CCDC178: variants seen among roughly 807,000 people sequenced by gnomAD.
CCDC178 encodes the protein coiled-coil domain containing 178, also known as coiled-coil domain-containing protein 178.
CCDC178 carries 126 observed loss-of-function variants against 117.4 expected under a neutral mutation model. The ratio of observed to expected loss-of-function variants is 1.07; its 90% confidence interval spans 0.93 to 1.24. CCDC178 has a LOEUF of 1.24. Among genes scored for constraint, CCDC178 ranks in the 50% most tolerant of loss-of-function variants. The pLI is 0.00. For missense variants in CCDC178, 1,030 were observed against 986.9 expected, an observed-to-expected ratio of 1.04 and a Z score of -0.59; for synonymous variants, 283 against 313.4, an observed-to-expected ratio of 0.90 and a Z score of 1.02.
rs574295414 is a variant in CCDC178, at chr18:33,148,194, G to A, written c.2239-55284C>T. On this transcript the variant is annotated intron_variant, in intron 20 of 22. Coordinates refer to ENST00000383096, the MANE Select transcript of CCDC178 (RefSeq NM_001105528.4). ...CCTGGCACCTCGGGAGGCCGAGGCT[G>A]GCAGATCACTCGCGGTTAGGAGCTG... Among the ~76,000 whole-genome samples the A allele has an allele frequency of 4.3e-4, 66 of 152,372 alleles. 1 individual carries two copies. The South Asian group carries it at 0.014, about 32-fold the overall frequency.
intron 20 of CCDC178, among the ~76,000 whole-genome samples, chr18:33,206,827 T>C (rs2059050106): frequency 6.6e-6 from 1 of 152,210 alleles, no homozygotes; most frequent in African/African-American, 2.4e-5. Flanking sequence ...AAAGGTAATG[T>C]CTTCCTCCAA....
intron 2 of CCDC178, among the ~76,000 whole-genome samples, chr18:33,413,474 T>A (rs2063887801): frequency 6.6e-6 from 1 of 151,486 alleles, no homozygotes; most frequent in South Asian, 2.1e-4. Context: ...ACTGGAAAAA[T>A]TAAATAATAT....
chr18:33,043,093 GAATAT>G (rs2056579075), intron 21 of CCDC178, among the ~76,000 whole-genome samples: 1 of 151,970 alleles, frequency 6.6e-6, no homozygotes, highest in Non-Finnish European at 1.5e-5. Flanking sequence ...AATACTGAAT[GAATAT>G]TGCTATGTTA....
chr18:33,014,145 TTA>T (rs1302030726), intron 21 of CCDC178, among the ~76,000 whole-genome samples: 2 of 152,204 alleles, frequency 1.3e-5, no homozygotes, highest in African/African-American at 4.8e-5. Flanking sequence ...ACCAACAGCC[TTA>T]ATACCACAAT....
intron 21 of CCDC178, among the ~76,000 whole-genome samples, chr18:33,086,892 G>GGGA (rs1380782838): frequency 2.0e-5 from 3 of 151,202 alleles, no homozygotes; most frequent in Non-Finnish European, 2.9e-5. Context: ...CCTTCTAGAT[G>GGGA]CCAGAGGCAA....
chr18:33,123,917 T>C (rs944268390), intron 20 of CCDC178, among the ~76,000 whole-genome samples: 1 of 152,198 alleles, frequency 6.6e-6, no homozygotes, highest in Admixed American at 6.5e-5. Context: ...ATTCAAACTA[T>C]TGGGCATGTA....
chr18:33,380,550 C>T (rs999950274), intron 5 of CCDC178, among the ~76,000 whole-genome samples: 8 of 152,202 alleles, frequency 5.3e-5, no homozygotes, highest in African/African-American at 1.9e-4. Flanking sequence ...ACAAAGTGTG[C>T]TCCTTCAGCC....
intron 7 of CCDC178, among the ~76,000 whole-genome samples, 190 bp downstream of exon 7, chr18:33,356,134 G>C (rs2063053647): frequency 6.6e-6 from 1 of 151,990 alleles, no homozygotes; most frequent in South Asian, 2.1e-4. Context: ...GTGGAGCTCT[G>C]GAGATCTCTA....
intron 22 of CCDC178, among the ~76,000 whole-genome samples, chr18:32,969,467 A>T (rs1454995573): frequency 6.6e-6 from 1 of 151,888 alleles, no homozygotes; most frequent in Non-Finnish European, 1.5e-5. Context: ...CCCTAAACCC[A>T]CTTTCCAACC....
At chr18:33,283,735 T>A (rs960354686) in intron 12 of CCDC178, among the ~76,000 whole-genome samples, 3 of 152,144 alleles carry the variant, frequency 2.0e-5, no homozygotes, top group Admixed American at 1.3e-4. Context: ...GAATGGCTAT[T>A]ACTAAAAAGC....
intron 3 of CCDC178, among the ~76,000 whole-genome samples, chr18:33,409,453 C>T (rs551211812): frequency 4.9e-4 from 75 of 152,180 alleles, no homozygotes; most frequent in African/African-American, 1.8e-3. Flanking sequence ...AACGAAAGAA[C>T]ATCAAAAAAT....
At chr18:32,997,199 T>G (rs1356427536) in intron 21 of CCDC178, among the ~76,000 whole-genome samples, 3 of 152,166 alleles carry the variant, frequency 2.0e-5, no homozygotes, top group Non-Finnish European at 4.4e-5. Flanking sequence ...AAGACAGGTA[T>G]GATAGTTAAT....
intron 20 of CCDC178, among the ~76,000 whole-genome samples, chr18:33,168,106 T>C (rs775127433): frequency 6.6e-5 from 10 of 152,178 alleles, no homozygotes; most frequent in Non-Finnish European, 2.9e-5. Flanking sequence ...CATTTGTCAA[T>C]ATTTGTTTTT....
intron 10 of CCDC178, among the ~76,000 whole-genome samples, chr18:33,327,293 C>A (rs558508537): frequency 1.3e-5 from 2 of 152,012 alleles, no homozygotes; most frequent in East Asian, 3.9e-4. Flanking sequence ...TTTCTTTTTA[C>A]GGCTTAATAA....
At chr18:33,179,114 A>ATATATATATATATATATATATAAACTG (rs1568037089) in intron 20 of CCDC178, among the ~76,000 whole-genome samples, 1 of 88,934 alleles carries the variant, frequency 1.1e-5, no homozygotes, top group Non-Finnish European at 2.0e-5. Context: ...TATATAAACT[A>ATATATATATATATATATATATAAACTG]TATATATATA....
intron 12 of CCDC178, among the ~76,000 whole-genome samples, chr18:33,292,348 A>C (rs1257672480): frequency 2.0e-5 from 3 of 152,192 alleles, no homozygotes; most frequent in Non-Finnish European, 4.4e-5. Context: ...ATATGTTCTC[A>C]TTCATACATG....
At chr18:33,265,524 G>C (rs2059801983) in intron 14 of CCDC178, among the ~76,000 whole-genome samples, 1 of 151,914 alleles carries the variant, frequency 6.6e-6, no homozygotes, top group African/African-American at 2.4e-5. Context: ...AAACATTCTA[G>C]AAAAAGAAAG....
At chr18:33,420,459 T>C (rs2064009048) in intron 2 of CCDC178, among the ~76,000 whole-genome samples, 1 of 152,164 alleles carries the variant, frequency 6.6e-6, no homozygotes, top group African/African-American at 2.4e-5. Context: ...GTTCAAGCGA[T>C]TCTCATGCCT....
chr18:33,096,325 TAAAAATATAAAATTTTTATATTTTATATA>T (rs1411744129), intron 20 of CCDC178, among the ~76,000 whole-genome samples: 7 of 113,188 alleles, frequency 6.2e-5, no homozygotes, highest in South Asian at 2.3e-4. Flanking sequence ...ATATTTTATA[TAAAAATATAAAATTTTTATATTTTATATA>T]AAAATATAAA....
Sources: gnomAD v4.1 joint callset for allele counts (sites outside exome capture counted in the v4.1 genomes callset) on GRCh38, gnomAD v4.1.1 for gene constraint, MANE v1.5 for transcripts, NCBI Gene and HGNC (gene_info 2026-07-23, HGNC 2026-07-21) for gene names.